CCDC7: variants seen among roughly 807,000 people sequenced by gnomAD.
CCDC7 encodes coiled-coil domain containing 7.
CCDC7 carries 183 observed loss-of-function variants against 196.9 expected under a neutral mutation model. The ratio of observed to expected loss-of-function variants is 0.93; its 90% CI spans 0.82 to 1.05. The LOEUF (loss-of-function observed/expected upper bound fraction) is 1.05, where lower values mean the gene tolerates loss of function less well. CCDC7 is among the 50% of genes least tolerant of loss of function. The pLI is 0.00. For synonymous variants in CCDC7, 525 were observed against 484.6 expected (o/e 1.08, Z -1.10); for missense variants, 1,540 against 1,482.2 (o/e 1.04, Z -0.64).
chr10:32,816,217 G>A (rs1030828406), intron 31 of CCDC7, among the ~76,000 whole-genome samples: 17 of 152,310 alleles, frequency 1.1e-4, no homozygotes, highest in South Asian at 1.0e-3. Context: ...AGGGTCCTGC[G>A]CCCATGGAGC....
At chr10:32,476,240 G>A (rs1453156986) in intron 8 of CCDC7, among the ~76,000 whole-genome samples, 10 of 151,898 alleles carry the variant, frequency 6.6e-5, no homozygotes, top group Admixed American at 5.9e-4. Context: ...CTGAATCCCT[G>A]GAAACCACTA....
At chr10:32,701,725 T>G (rs1408918194) in intron 24 of CCDC7, among the ~76,000 whole-genome samples, 1 of 152,206 alleles carries the variant, frequency 6.6e-6, no homozygotes, top group Non-Finnish European at 1.5e-5. Flanking sequence ...GAGATTCAAC[T>G]TCTTCCTGGT....
intron 8 of CCDC7, among the ~76,000 whole-genome samples, chr10:32,488,984 G>C (rs186448475): frequency 6.6e-6 from 1 of 152,178 alleles, no homozygotes; most frequent in Non-Finnish European, 1.5e-5. Context: ...AATTTCAGTG[G>C]TGTACAGTGG....
chr10:32,513,492 G>C (rs2046545024), intron 9 of CCDC7: 1 of 152,008 alleles, frequency 6.6e-6, no homozygotes, highest in Non-Finnish European at 1.5e-5. Context: ...TTCATTCTAT[G>C]AGATTAGTGT....
At chr10:32,726,696 C>A in intron 25 of CCDC7, 38 bp from the exon 27 acceptor site, 1 of 1,165,286 alleles carries the variant, frequency 8.6e-7, no homozygotes. Flanking sequence ...TTTCATTTAG[C>A]GGACTAAATG....
downstream of CCDC7, among the ~76,000 whole-genome samples, chr10:32,881,939 T>G (rs2094804994): frequency 6.6e-6 from 1 of 152,142 alleles, no homozygotes; most frequent in Non-Finnish European, 1.5e-5. Flanking sequence ...TCTAACTTGC[T>G]TAAGGACATA....
At chr10:32,712,750 T>C (rs2081030617) in intron 25 of CCDC7, among the ~76,000 whole-genome samples, 1 of 152,186 alleles carries the variant, frequency 6.6e-6, no homozygotes, top group Non-Finnish European at 1.5e-5. Flanking sequence ...CATACCAAGT[T>C]CCTTCATCCT....
intron 29 of CCDC7, among the ~76,000 whole-genome samples, chr10:32,792,660 G>A (rs181615132): frequency 2.5e-3 from 376 of 152,190 alleles, no homozygotes; most frequent in Admixed American, 4.6e-3. Context: ...AATTCGCTGT[G>A]TGTGGTGGCA....
At chr10:32,496,890 A>G (rs1016974453) in intron 9 of CCDC7, among the ~76,000 whole-genome samples, 1 of 152,134 alleles carries the variant, frequency 6.6e-6, no homozygotes, top group Non-Finnish European at 1.5e-5. Flanking sequence ...TGGTATCAGG[A>G]AGGTGCTGGC....
At chr10:32,778,723 T>C (rs2080528684) in intron 28 of CCDC7, among the ~76,000 whole-genome samples, 1 of 152,302 alleles carries the variant, frequency 6.6e-6, no homozygotes, top group East Asian at 1.9e-4. Flanking sequence ...AAAAATGACA[T>C]TGGTAGTTTG....
chr10:32,446,303 C>T (rs1349174045), exon 1 of CCDC7: 1 of 152,322 alleles, frequency 6.6e-6, no homozygotes, highest in Non-Finnish European at 1.5e-5. Context: ...GTCTGGCAGG[C>T]TCGGAATTGT....
chr10:32,668,460 G>A (rs1006758196), intron 21 of CCDC7, among the ~76,000 whole-genome samples: 3 of 151,958 alleles, frequency 2.0e-5, no homozygotes, highest in Non-Finnish European at 4.4e-5. Flanking sequence ...TTTTCAAAGG[G>A]AATGCTTCCA....
intron 18 of CCDC7, among the ~76,000 whole-genome samples, chr10:32,611,853 T>C (rs2062181143): frequency 6.6e-6 from 1 of 152,236 alleles, no homozygotes. Flanking sequence ...TCAGGTAGCA[T>C]GATGCCTCTA....
At chr10:32,774,979 T>C (rs1213058506) in intron 28 of CCDC7, among the ~76,000 whole-genome samples, 3 of 152,220 alleles carry the variant, frequency 2.0e-5, no homozygotes, top group African/African-American at 7.2e-5. Flanking sequence ...CTTTTGTCTG[T>C]TGCAGTTTTG....
chr10:32,622,753 C>T (rs2063550602), intron 18 of CCDC7, among the ~76,000 whole-genome samples: 1 of 152,020 alleles, frequency 6.6e-6, no homozygotes, highest in African/African-American at 2.4e-5. Flanking sequence ...TAAATGTCCC[C>T]TGGGGGAAAA....
intron 5 of CCDC7, among the ~76,000 whole-genome samples, chr10:32,466,194 G>T (rs1361008813): frequency 6.7e-6 from 1 of 148,980 alleles, no homozygotes. Context: ...TTAATTTGGT[G>T]TACCAGATAT....
Position 32,751,825 on chromosome 10 carries a change from A to G in CCDC7, c.2905+22368A>G, listed in dbSNP as rs572581236. On this transcript the variant is annotated intron_variant, in intron 28 of 41. Coordinates refer to ENST00000639629, the Ensembl canonical transcript of CCDC7. ...GCATAAAACATGCCCCTGGTTAGAG[A>G]TGATGTATAGGATACTATGGCAGTC... 1.8e-4 allele frequency among the ~76,000 whole-genome samples: 28 copies of G among 152,270 alleles called. No homozygotes were observed. In the South Asian group the frequency reaches 5.6e-3, roughly 30 times the overall value.
At chr10:32,670,299 T>A (rs1316085642) in intron 21 of CCDC7, among the ~76,000 whole-genome samples, 5 of 152,162 alleles carry the variant, frequency 3.3e-5, no homozygotes, top group African/African-American at 1.2e-4. Context: ...TAGGATTTTT[T>A]AAGGGTAGAT....
At chr10:32,594,343 C>G (rs781105296) in intron 18 of CCDC7, among the ~76,000 whole-genome samples, 1 of 152,082 alleles carries the variant, frequency 6.6e-6, no homozygotes, top group East Asian at 1.9e-4. Context: ...TGATTTGGCT[C>G]CCTGTTTGTC....
Sources: allele counts gnomAD v4.1 joint callset (sites outside exome capture counted in the v4.1 genomes callset), GRCh38; gene constraint gnomAD v4.1.1; transcripts MANE v1.5; gene names NCBI Gene and HGNC (gene_info 2026-07-23, HGNC 2026-07-21).